The following TNKS variants were observed in gnomAD, a reference collection of about 807,000 sequenced individuals.
The protein encoded by TNKS is tankyrase, also known as poly [ADP-ribose] polymerase tankyrase-1.
TNKS carries 72 observed loss-of-function variants against 135.8 expected under a neutral mutation model. The observed-to-expected ratio is 0.53, with a 90% CI of 0.44 to 0.64. The LOEUF is 0.64. Ranked by LOEUF, TNKS falls within the 30% of genes least tolerant of loss-of-function variation. The pLI is 0.00. For synonymous variants in TNKS, 849 were observed against 649.3 expected (o/e 1.31, Z -4.68); for missense variants, 1,769 against 1,674.0 (o/e 1.06, Z -0.99).
At chr8:9,687,247 A>G (rs1803044431) in intron 5 of TNKS, among the ~76,000 whole-genome samples, 1 of 152,184 alleles carries the variant, frequency 6.6e-6, no homozygotes, top group South Asian at 2.1e-4. Context: ...ACTTGGGATT[A>G]CAAGAAGGTC....
Position 9,781,063 on chromosome 8 carries a change from T to C in TNKS, c.*4327T>C, listed in dbSNP as rs1443675892. On this transcript the variant is annotated 3_prime_UTR_variant, in exon 27 of 27. Coordinates refer to ENST00000310430, the MANE Select transcript of TNKS (RefSeq NM_003747.3). ...GTGAAAACCTAGAGGAAGCTAATGA[T>C]TTTATATACTTTGCACGACCAAATA... 1 of 152,214 alleles carries C rather than the reference T, an allele frequency of 6.6e-6. No homozygotes were observed. The highest frequency in any genetic ancestry group is 2.4e-5 in the African/African-American group (1 of 41,450). The allele number at this position is 152,214 out of a possible 1,614,324, so 9.4% of individuals were successfully genotyped here.
intron 5 of TNKS, among the ~76,000 whole-genome samples, chr8:9,698,772 C>T (rs545938108): frequency 6.6e-6 from 1 of 152,278 alleles, no homozygotes; most frequent in Non-Finnish European, 1.5e-5. Context: ...ATTAAAACTA[C>T]CTTAAATGCT....
intron 2 of TNKS, among the ~76,000 whole-genome samples, chr8:9,612,547 T>TA: frequency 6.7e-6 from 1 of 148,448 alleles, no homozygotes; most frequent in African/African-American, 2.4e-5. Context: ...ATTGTTTATA[T>TA]ATTTTTAATG....
chr8:9,563,199 A>T (rs924548681), intron 1 of TNKS, among the ~76,000 whole-genome samples: 1 of 152,096 alleles, frequency 6.6e-6, no homozygotes, highest in Admixed American at 6.6e-5. Flanking sequence ...TTGTCATCTT[A>T]AATAAGCTCT....
intron 2 of TNKS, among the ~76,000 whole-genome samples, chr8:9,612,217 A>T (rs537569644): frequency 6.6e-6 from 1 of 152,174 alleles, no homozygotes; most frequent in African/African-American, 2.4e-5. Flanking sequence ...TTTTTCCCCA[A>T]TGCATGACAG....
intron 20 of TNKS, among the ~76,000 whole-genome samples, chr8:9,757,963 T>C (rs2128831695): frequency 6.6e-6 from 1 of 152,354 alleles, no homozygotes; most frequent in South Asian, 2.1e-4. Context: ...GGACACCATG[T>C]AACTCACTGC....
intron 17 of TNKS, among the ~76,000 whole-genome samples, chr8:9,747,009 A>C (rs934413562): frequency 6.7e-6 from 1 of 148,840 alleles, no homozygotes; most frequent in South Asian, 2.1e-4. Flanking sequence ...CAGCCTCCCG[A>C]GTAGCTTGGA....
intron 20 of TNKS, among the ~76,000 whole-genome samples, chr8:9,759,954 G>A (rs1807054146): frequency 6.6e-6 from 1 of 151,686 alleles, no homozygotes; most frequent in South Asian, 2.1e-4. Flanking sequence ...CTCCAGCCGG[G>A]GCGACAGAGC....
At chr8:9,679,459 C>G (rs543777413) in intron 3 of TNKS, among the ~76,000 whole-genome samples, 1 of 152,182 alleles carries the variant, frequency 6.6e-6, no homozygotes, top group South Asian at 2.1e-4. Context: ...CTATAAAGCT[C>G]AACAATAGTA....
At chr8:9,604,986 A>G (rs1214945245) in intron 2 of TNKS, among the ~76,000 whole-genome samples, 1 of 152,028 alleles carries the variant, frequency 6.6e-6, no homozygotes, top group Non-Finnish European at 1.5e-5. Flanking sequence ...AAGCTTTTAA[A>G]ATATTAGTTT....
Position 9,580,284 on chromosome 8 carries a change from C to G in TNKS, c.799C>G (p.Leu267Val). ...CSFGHAEVVS[L>V]LLCQGADPNA... ...TTTTGGCCATGCTGAGGTTGTGAGT[C>G]TGTTATTGTGCCAAGGAGCTGATCC... is the stretch of plus-strand genomic sequence containing the variant. Residue 267 changes from leucine to valine, a missense_variant, in exon 2 of 27, where the codon CTG (leucine) becomes GTG (valine). Physicochemically the swap from Leu to Val is conservative, Grantham distance 32. Around this residue, in one of 5 missense-constraint regions of TNKS, gnomAD observed 523 missense variants for 541.0 expected, o/e 0.97. Coordinates refer to ENST00000310430, the MANE Select transcript of TNKS (RefSeq NM_003747.3). 1 of 1,614,172 alleles carries G rather than the reference C, an allele frequency of 6.2e-7. No individual in the cohort carries two copies. Among genetic ancestry groups the G allele is most frequent in the Non-Finnish European group, 8.5e-7 (1 of 1,180,030 alleles).
In TNKS at chr8:9,781,015, A is replaced by G. The variant is rs1009439013; in HGVS notation, c.*4279A>G. 8 of 152,214 alleles carry G rather than the reference A, an allele frequency of 5.3e-5. No individual in the cohort carries two copies. The highest frequency in any genetic ancestry group is 1.0e-4 in the Non-Finnish European group (7 of 68,042). 9.4% of individuals were successfully genotyped at this position (152,214 alleles called of 1,614,324 possible). On this transcript the variant is annotated 3_prime_UTR_variant, in exon 27 of 27. Transcript: ENST00000310430. ...AGCTGTGTTTTTTAATTGTTTTAAA[A>G]TGTAAATTATGGTTATGCTAAAGTG...
rs147703492 is a variant in TNKS, at chr8:9,765,425, C to A, written c.3448-267C>A. Among the ~76,000 whole-genome samples the A allele has an allele frequency of 3.1e-3, 476 of 151,900 alleles. 5 individuals carry two copies. Among genetic ancestry groups the A allele is most frequent in the African/African-American group, 0.011 (442 of 41,416 alleles). ...GTCTGGGGAGATGCCTAAACATAAC[C>A]TTTTTACCTATTTTTTTTTTTAATC... is the stretch of plus-strand genomic sequence containing the variant. On this transcript the variant is annotated intron_variant, in intron 23 of 26. Transcript: ENST00000310430.
chr8:9,601,321 A>G (rs186687575), intron 2 of TNKS, among the ~76,000 whole-genome samples: 123 of 152,342 alleles, frequency 8.1e-4, no homozygotes, highest in African/African-American at 2.8e-3. Context: ...CACGTGTTAA[A>G]ACTTTGAATT....
At chr8:9,734,803 C>A in intron 15 of TNKS, 62 bp from the exon 16 acceptor site, 1 of 1,367,386 alleles carries the variant, frequency 7.3e-7, no homozygotes, top group Non-Finnish European at 1.0e-6. Flanking sequence ...TAATTACCTA[C>A]CTACCTACCT....
chr8:9,663,020 TC>T (rs1387107744), intron 3 of TNKS, among the ~76,000 whole-genome samples: 1 of 152,206 alleles, frequency 6.6e-6, no homozygotes, highest in South Asian at 2.1e-4. Context: ...TCACAAGGAT[TC>T]TTTAAAGGAG....
chr8:9,765,123 T>G lies in TNKS; in HGVS notation c.3447+333T>G, dbSNP rs535740049. Among the ~76,000 whole-genome samples, 51 of 152,330 alleles carry G rather than the reference T, an allele frequency of 3.3e-4. No homozygotes were observed. In the South Asian group the frequency reaches 9.8e-3, roughly 29 times the overall value. ...ATAATGTTTTTTATCATTTGAGAGTTGCATCAAAGTCCTGGATCTTCAATC... is the reference window on the plus strand; with the variant it reads ...ATAATGTTTTTTATCATTTGAGAGTGGCATCAAAGTCCTGGATCTTCAATC... On this transcript the variant is annotated intron_variant, in intron 23 of 26. Transcript: ENST00000310430.
chr8:9,759,527 G>C (rs775073485), intron 20 of TNKS, among the ~76,000 whole-genome samples: 4 of 152,150 alleles, frequency 2.6e-5, no homozygotes, highest in Middle Eastern at 6.8e-3. Context: ...GGTTTGGTTT[G>C]GGTTTTTTGT....
At chr8:9,586,291 A>T (rs945307900) in intron 2 of TNKS, among the ~76,000 whole-genome samples, 2 of 152,236 alleles carry the variant, frequency 1.3e-5, no homozygotes, top group South Asian at 4.1e-4. Context: ...TAAAGATAGT[A>T]TTATTTAATA....
Sources: allele counts gnomAD v4.1 joint callset (sites outside exome capture counted in the v4.1 genomes callset), GRCh38; gene constraint gnomAD v4.1.1; regional missense constraint gnomAD v4.1.1; transcripts MANE v1.5; gene names NCBI Gene and HGNC (gene_info 2026-07-23, HGNC 2026-07-21).